The following DNAH10 variants were observed in gnomAD, a reference collection of about 807,000 sequenced individuals.
The protein encoded by DNAH10 is dynein axonemal heavy chain 10.
A neutral mutation model predicts 506.6 loss-of-function variants in DNAH10; 348 were observed. The ratio of observed to expected loss-of-function variants is 0.69; its 90% CI spans 0.63 to 0.75. The LOEUF (loss-of-function observed/expected upper bound fraction) is 0.75, where lower values mean the gene tolerates loss of function less well. DNAH10 is among the 30% of genes least tolerant of loss of function. The pLI is 0.00. For missense variants in DNAH10, 5,179 were observed against 5,787.1 expected, an observed-to-expected ratio of 0.89 and a Z score of 3.41; for synonymous variants, 2,059 against 2,198.6, an observed-to-expected ratio of 0.94 and a Z score of 1.78.
At position 123,933,385 on chromosome 12, in the gene DNAH10, T is replaced by G. The variant is rs1269713721; in HGVS notation, c.13351T>G (p.Ser4451Ala). The change falls in exon 77 of 79, where the codon TCC becomes GCC. Residue 4451 changes from serine to alanine, a missense_variant. Around this residue, in one of 3 missense-constraint regions of DNAH10, gnomAD observed 4,844 missense variants for 5,430.5 expected, o/e 0.89. Coordinates refer to ENST00000673944, the MANE Select transcript of DNAH10 (RefSeq NM_001372106.1). Reference sequence around the variant, plus strand: ...GCTCTCGGGGCTGCACATCCCTGAGTCCTACCTCACGGCGCTGGTGCAGGC... The same window carrying G: ...GCTCTCGGGGCTGCACATCCCTGAGGCCTACCTCACGGCGCTGGTGCAGGC... Reference protein sequence around the residue: ...MWLSGLHIPESYLTALVQATC... With the variant: ...MWLSGLHIPEAYLTALVQATC... 6.2e-7 allele frequency: 1 copy of G among 1,610,586 alleles called. No homozygotes were observed. Among genetic ancestry groups the G allele is most frequent in the East Asian group, 2.2e-5 (1 of 44,800 alleles).
At chr12:123,784,316 G>A in intron 8 of DNAH10, 139 bp downstream of exon 8, 1 of 838,132 alleles carries the variant, frequency 1.2e-6, no homozygotes, top group Non-Finnish European at 1.9e-6. Flanking sequence ...GGAGGCTGAG[G>A]TGGGCAGATC....
In DNAH10 at chr12:123,919,739, T is replaced by C. The variant is rs573052383; in HGVS notation, c.11506+790T>C. 6.6e-6 allele frequency among the ~76,000 whole-genome samples: 1 copy of C among 152,364 alleles called. No individual in the cohort carries two copies. The highest frequency in any genetic ancestry group is 2.1e-4 in the South Asian group (1 of 4,822). Reference sequence around the variant, plus strand: ...TGTGTGACTTCATGACTGGTATCTTTCACTCCACTCCGTGACCTCACGGTT... The same window carrying C: ...TGTGTGACTTCATGACTGGTATCTTCCACTCCACTCCGTGACCTCACGGTT... On this transcript the variant is annotated intron_variant, in intron 65 of 78. Coordinates refer to ENST00000673944, the MANE Select transcript of DNAH10 (RefSeq NM_001372106.1). The surrounding 1 kb of genome is among the most constrained non-coding windows in gnomAD (Gnocchi z 4.9).
rs1445506044 is a variant in DNAH10 at position 123,928,622 on chromosome 12, C to A, written c.12306+35C>A. 5 of 1,556,844 alleles carry A rather than the reference C, an allele frequency of 3.2e-6. No homozygotes were observed. The highest frequency in any genetic ancestry group is 4.3e-6 in the Non-Finnish European group (5 of 1,150,400). Reference sequence around the variant, plus strand: ...CAGGATGGACATCAACATGCCAGCACGCAGCTTCTCAGAACACCTGCATGC... The same window carrying A: ...CAGGATGGACATCAACATGCCAGCAAGCAGCTTCTCAGAACACCTGCATGC... On this transcript the variant is annotated intron_variant, in intron 70 of 78. Coordinates refer to ENST00000673944, the MANE Select transcript of DNAH10 (RefSeq NM_001372106.1). The surrounding 1 kb of genome is among the most constrained non-coding windows in gnomAD (Gnocchi z 4.9).
At chr12:123,817,588 T>C (rs990907037) in intron 21 of DNAH10, among the ~76,000 whole-genome samples, 1 of 152,236 alleles carries the variant, frequency 6.6e-6, no homozygotes, top group African/African-American at 2.4e-5. Context: ...TTTTGTCTTT[T>C]GTTTCCTTGA....
Position 123,781,134 on chromosome 12 carries a change from G to C in DNAH10, c.676G>C (p.Val226Leu). The stretch of plus-strand genomic sequence containing the variant: ...GCACAGGACGAGTACAACCGTGGGA[G>C]TCACATCTGGAGAAGTCTCTAATTC... Reference protein sequence around the residue: ...NQHRTSTTVGVTSGEVSNSSE... With the variant: ...NQHRTSTTVGLTSGEVSNSSE... The change falls in exon 6 of 79, where the codon GTC (valine) becomes CTC (leucine). Residue 226 changes from valine (V) to leucine (L), a missense_variant. By Grantham distance (32) the Val-to-Leu change is conservative. Coordinates refer to ENST00000673944, the MANE Select transcript of DNAH10 (RefSeq NM_001372106.1). 1.2e-6 allele frequency: 2 copies of C among 1,613,996 alleles called. No homozygotes were observed. Among genetic ancestry groups the C allele is most frequent in the African/African-American group, 1.3e-5 (1 of 74,994 alleles).
Position 123,799,348 on chromosome 12 carries a change from A to G in DNAH10, c.2266A>G (p.Met756Val). The change falls in exon 14 of 79, where the codon ATG (methionine) becomes GTG (valine). Residue 756 changes from methionine (M) to valine (V), a missense_variant. Physicochemically the swap from Met to Val is conservative, Grantham distance 21. Around this residue, in one of 3 missense-constraint regions of DNAH10, gnomAD observed 4,844 missense variants for 5,430.5 expected, o/e 0.89. Coordinates refer to ENST00000673944, the MANE Select transcript of DNAH10 (RefSeq NM_001372106.1). Reference sequence around the variant, plus strand: ...GACGGAGCAGGTGCTGCCAGCTCTCATGAAGAAGAGCCTTTTGACCAAGGT... The same window carrying G: ...GACGGAGCAGGTGCTGCCAGCTCTCGTGAAGAAGAGCCTTTTGACCAAGGT... ...EVTEQVLPAL[M>V]KKSLLTKSSI... The G allele has an allele frequency of 6.2e-7, 1 of 1,611,926 alleles. No homozygotes were observed. The highest frequency in any genetic ancestry group is 1.7e-5 in the Admixed American group (1 of 59,980).
chr12:123,935,064 G>A lies in DNAH10; in HGVS notation c.13624-271G>A, dbSNP rs1205472556. 8.3e-6 allele frequency: 5 copies of A among 599,392 alleles called. No homozygotes were observed. The African/African-American group carries it at 9.3e-5, about 11-fold the overall frequency. The allele number at this position is 599,392 out of a possible 1,614,324, so 37.1% of individuals were successfully genotyped here. A position where few individuals can be genotyped will look rare whatever the true frequency, so the allele number is the denominator to read the frequency against. On this transcript the variant is annotated intron_variant, in intron 78 of 78. Transcript: ENST00000673944. ...CTTCTTGCAAAATGCTGCAGACATT[G>A]CCTGAGTCATAAAGTGGTTCCCGCT...
At chr12:123,912,727 G>A (rs1479505310) in intron 59 of DNAH10, among the ~76,000 whole-genome samples, 1 of 152,206 alleles carries the variant, frequency 6.6e-6, no homozygotes, top group Non-Finnish European at 1.5e-5. Flanking sequence ...GTCATATTGT[G>A]ACCTTGCGCT....
intron 28 of DNAH10, among the ~76,000 whole-genome samples, chr12:123,836,747 C>T (rs1254667494): frequency 6.6e-6 from 1 of 152,084 alleles, no homozygotes; most frequent in South Asian, 2.1e-4. Context: ...TCAGGCTGGA[C>T]GGTGACTCAC....
chr12:123,847,119 C>A (rs1225962853), intron 32 of DNAH10, among the ~76,000 whole-genome samples: 3 of 151,500 alleles, frequency 2.0e-5, no homozygotes, highest in African/African-American at 7.3e-5. Context: ...CTTATCCATC[C>A]ATCCGTGCAT....
Position 123,765,105 on chromosome 12 carries a change from G to A in DNAH10, c.215-2501G>A, listed in dbSNP as rs551594315. ...TTTCCTCTTTCTGCCCCCCTTCCCC[G>A]GTCAAGATTTCTCTCTGCTCCTGGT... On this transcript the variant is annotated intron_variant, in intron 1 of 78. Coordinates refer to ENST00000673944, the MANE Select transcript of DNAH10 (RefSeq NM_001372106.1). Among the ~76,000 whole-genome samples the A allele has an allele frequency of 4.6e-5, 7 of 151,746 alleles. No homozygotes were observed. In the South Asian group the frequency reaches 1.0e-3, roughly 23 times the overall value.
chr12:123,864,704 C>G lies in DNAH10; in HGVS notation c.7018C>G (p.Gln2340Glu). The G allele has an allele frequency of 6.2e-7, 1 of 1,613,956 alleles. No individual in the cohort carries two copies. Among genetic ancestry groups the G allele is most frequent in the Non-Finnish European group, 8.5e-7 (1 of 1,179,858 alleles). ...GGCCAACGGGGAACGCATCCGGCTC[C>G]AAGCACACTGTGCCCTGCTCTTTGA... is the stretch of plus-strand genomic sequence containing the variant. ...TLANGERIRL[Q>E]AHCALLFEVG... The change falls in exon 40 of 79, where the codon CAA becomes GAA. Residue 2340 changes from glutamine to glutamate, a missense_variant. Around this residue, in one of 3 missense-constraint regions of DNAH10, gnomAD observed 4,844 missense variants for 5,430.5 expected, o/e 0.89. Transcript: ENST00000673944.
In DNAH10 at chr12:123,853,274, T is replaced by A; in HGVS notation, c.6360T>A (p.Tyr2120Ter). The change falls in exon 36 of 79, where the codon TAT (tyrosine) becomes TAA (stop). Residue 2120 changes from tyrosine (Y) to a stop codon, truncating the protein, a stop_gained. Coordinates refer to ENST00000673944, the MANE Select transcript of DNAH10 (RefSeq NM_001372106.1). LOFTEE classifies it high-confidence loss of function. The surrounding 1 kb of genome is among the most constrained non-coding windows in gnomAD (Gnocchi z 4.7). Reference protein sequence around the residue: ...AREQLSKQYHYDFGLRALKSV... With the variant: ...AREQLSKQYH ...AGCAGCTGTCCAAGCAGTATCACTA[T>A]GATTTTGGACTCAGAGCCCTGAAAT... 6.2e-7 allele frequency: 1 copy of A among 1,611,694 alleles called. No individual in the cohort carries two copies. The highest frequency in any genetic ancestry group is 1.3e-5 in the African/African-American group (1 of 75,014).
intron 56 of DNAH10, among the ~76,000 whole-genome samples, chr12:123,901,261 C>T (rs1251926307): frequency 6.6e-6 from 1 of 152,240 alleles, no homozygotes; most frequent in Non-Finnish European, 1.5e-5. Context: ...TACCTCTGCA[C>T]TCCGTTCCTG....
chr12:123,773,490 G>A (rs1957331170), intron 4 of DNAH10, among the ~76,000 whole-genome samples: 1 of 152,224 alleles, frequency 6.6e-6, no homozygotes, highest in Non-Finnish European at 1.5e-5. Context: ...TTGGATGGTT[G>A]TAACAAATTG....
intron 66 of DNAH10, 88 bp from the exon 67 acceptor site, chr12:123,924,190 T>C: frequency 1.4e-6 from 2 of 1,464,230 alleles, no homozygotes; most frequent in Non-Finnish European, 9.1e-7. Context: ...AAAGTGGACT[T>C]TTCCCAAAAG....
rs1038161078 is a variant in DNAH10 at position 123,909,224 on chromosome 12, C to T, written c.9816-37C>T. The T allele has an allele frequency of 2.5e-6, 4 of 1,601,452 alleles. No individual in the cohort carries two copies. The African/African-American group carries it at 4.0e-5, about 16-fold the overall frequency. On this transcript the variant is annotated intron_variant, in intron 57 of 78. Transcript: ENST00000673944. This position sits in a 1 kb window ranked among gnomAD's most constrained non-coding sequence, Gnocchi z 5.4. Reference sequence around the variant, plus strand: ...TTTCAGGCCAGATCCTGGCCACATCCCGGGGTTGTGACCCACGTGCCTTGG... The same window carrying T: ...TTTCAGGCCAGATCCTGGCCACATCTCGGGGTTGTGACCCACGTGCCTTGG...
At chr12:123,803,233 AT>A (rs1958538080) in intron 16 of DNAH10, among the ~76,000 whole-genome samples, 1 of 151,976 alleles carries the variant, frequency 6.6e-6, no homozygotes, top group African/African-American at 2.4e-5. Flanking sequence ...TGGGGTTTTT[AT>A]TTTCATAAAG....
In DNAH10 at chr12:123,926,270, C is replaced by A. The variant is rs1017621338; in HGVS notation, c.11922-367C>A. On this transcript the variant is annotated intron_variant, in intron 68 of 78. Transcript: ENST00000673944. The surrounding 1 kb of genome is among the most constrained non-coding windows in gnomAD (Gnocchi z 4.1). ...AAAAAAAAAAAGAAAAAGAAAAAAC[C>A]CACACACAAAACACAAAACTCAAAA... is the stretch of plus-strand genomic sequence containing the variant. Among the ~76,000 whole-genome samples, 1 of 151,274 alleles carries A rather than the reference C, an allele frequency of 6.6e-6. No homozygotes were observed. The highest frequency in any genetic ancestry group is 2.4e-5 in the African/African-American group (1 of 41,166).
Sources: allele counts gnomAD v4.1 joint callset (sites outside exome capture counted in the v4.1 genomes callset), GRCh38; gene constraint gnomAD v4.1.1; regional missense constraint gnomAD v4.1.1; non-coding constraint Gnocchi (gnomAD v3.1); transcripts MANE v1.5; gene names NCBI Gene and HGNC (gene_info 2026-07-23, HGNC 2026-07-21).